The following ACACA variants were observed in gnomAD, a reference collection of about 807,000 sequenced individuals.
The protein encoded by ACACA is acetyl-CoA carboxylase 1.
A neutral mutation model predicts 296.1 loss-of-function variants in ACACA; 103 were observed. That is an observed-to-expected ratio of 0.35 (90% CI 0.30 to 0.41). The LOEUF (loss-of-function observed/expected upper bound fraction) is 0.41, where lower values mean the gene tolerates loss of function less well. Among genes scored for constraint, ACACA ranks in the 10% least tolerant of loss-of-function variants. The pLI, the probability that ACACA is intolerant of heterozygous loss-of-function variation, is 1.00. For missense variants in ACACA, 1,554 were observed against 2,989.7 expected, an observed-to-expected ratio of 0.52 and a Z score of 11.20; for synonymous variants, 953 against 1,038.6, an observed-to-expected ratio of 0.92 and a Z score of 1.58.
intron 1 of ACACA, among the ~76,000 whole-genome samples, chr17:37,383,552 C>A (rs1302907006): frequency 1.3e-5 from 2 of 152,002 alleles, no homozygotes; most frequent in Non-Finnish European, 2.9e-5. Flanking sequence ...CCCAAAAAAC[C>A]TATTTATTTA....
Position 37,125,813 on chromosome 17 carries a change from G to A in ACACA, c.5945-19C>T. The A allele has an allele frequency of 6.3e-7, 1 of 1,585,970 alleles. No individual in the cohort carries two copies. Among genetic ancestry groups the A allele is most frequent in the Non-Finnish European group, 8.7e-7 (1 of 1,155,296 alleles). On this transcript the variant is annotated intron_variant, in intron 47 of 55. Transcript: ENST00000616317. The stretch of plus-strand genomic sequence containing the variant: ...TTTTGGGCTACAGAAGGGAAAGAAA[G>A]AAAACAGAGAATAAGGACAGTGAAT...
chr17:37,309,134 G>A (rs957028917), intron 3 of ACACA, among the ~76,000 whole-genome samples: 8 of 151,974 alleles, frequency 5.3e-5, no homozygotes, highest in Admixed American at 1.3e-4. Flanking sequence ...CAGTCCTCTC[G>A]CCTCAGCCTT....
rs1202725765 is a variant in ACACA at position 37,121,446 on chromosome 17, A to G, written c.6183T>C (p.Phe2061=). 1 of 1,614,200 alleles carries G rather than the reference A, an allele frequency of 6.2e-7. No homozygotes were observed. The highest frequency in any genetic ancestry group is 1.1e-5 in the South Asian group (1 of 91,082). ...AGTCCTTGATGGCCTGATACGTCTT[A>G]AACGCAGAATCTGGGAACCAAACCT... ...AGQVWFPDSA[F]KTYQAIKDFN... is the part of the protein sequence containing the mutation. The change falls in exon 50 of 56, where the codon TTT becomes TTC. Residue 2061 remains phenylalanine, a synonymous_variant. Coordinates refer to ENST00000616317, the MANE Select transcript of ACACA (RefSeq NM_198834.3).
At chr17:37,374,880 T>C (rs889741212) in intron 1 of ACACA, among the ~76,000 whole-genome samples, 2 of 152,086 alleles carry the variant, frequency 1.3e-5, no homozygotes, top group African/African-American at 2.4e-5. Context: ...TTTATATATA[T>C]AACTGGATTA....
chr17:37,390,246 ATATATAT>A (rs564245624), intron 1 of ACACA, among the ~76,000 whole-genome samples: 10,666 of 53,044 alleles, frequency 0.2, 1,676 homozygotes, highest in East Asian at 0.46. Context: ...AATATATTAT[ATATATAT>A]TATATATAAT....
At chr17:37,208,673 A>G (rs2078616592) in intron 30 of ACACA, among the ~76,000 whole-genome samples, 1 of 152,222 alleles carries the variant, frequency 6.6e-6, no homozygotes, top group Non-Finnish European at 1.5e-5. Context: ...GCTCAATCTA[A>G]AAACAATGAA....
chr17:37,195,469 C>A (rs962269489), intron 35 of ACACA, among the ~76,000 whole-genome samples: 1 of 152,008 alleles, frequency 6.6e-6, no homozygotes, highest in African/African-American at 2.4e-5. Context: ...ATTAGAAAAA[C>A]CACTTTCATT....
intron 22 of ACACA, 41 bp downstream of exon 22, chr17:37,243,329 CA>C (rs775825429): frequency 6.3e-7 from 1 of 1,575,542 alleles, no homozygotes; most frequent in South Asian, 1.1e-5. Flanking sequence ...TAAACTCTGG[CA>C]TTGGTAGCCA....
chr17:37,226,744 G>A (rs1269655998), intron 25 of ACACA, among the ~76,000 whole-genome samples: 1 of 152,112 alleles, frequency 6.6e-6, no homozygotes, highest in Non-Finnish European at 1.5e-5. Context: ...ACTAAAAGGG[G>A]CCAAGGGGAT....
chr17:37,301,793 CCTTT>C (rs1239348575), intron 3 of ACACA, among the ~76,000 whole-genome samples: 13 of 152,048 alleles, frequency 8.5e-5, no homozygotes. Flanking sequence ...TATTCTAGGT[CCTTT>C]GTTTCCATGT....
intron 55 of ACACA, among the ~76,000 whole-genome samples, chr17:37,088,002 G>A (rs775450490): frequency 9.9e-5 from 15 of 152,256 alleles, no homozygotes; most frequent in Non-Finnish European, 1.6e-4. Flanking sequence ...GTAATTATAC[G>A]GTAGAGAAAT....
chr17:37,385,119 C>T (rs1057312882), intron 1 of ACACA, among the ~76,000 whole-genome samples: 21 of 152,234 alleles, frequency 1.4e-4, no homozygotes, highest in Non-Finnish European at 2.9e-5. Context: ...ACAGGTTACC[C>T]TCCTTCTACC....
At chr17:37,257,931 AT>A in intron 13 of ACACA, 65 bp from the exon 14 acceptor site, 2 of 1,576,780 alleles carry the variant, frequency 1.3e-6, no homozygotes, top group Non-Finnish European at 1.7e-6. Context: ...TTATATATTC[AT>A]TGTTTAAGTT....
intron 45 of ACACA, among the ~76,000 whole-genome samples, chr17:37,136,159 AACC>A (rs1423910709): frequency 6.6e-5 from 10 of 152,084 alleles, no homozygotes; most frequent in Admixed American, 1.3e-4. Flanking sequence ...ATAGTCATAT[AACC>A]ACCACAACAA....
intron 41 of ACACA, among the ~76,000 whole-genome samples, chr17:37,163,474 A>G (rs990304507): frequency 6.6e-6 from 1 of 152,206 alleles, no homozygotes; most frequent in Non-Finnish European, 1.5e-5. Context: ...ATGGACTATC[A>G]CAGACACTAT....
chr17:37,181,041 T>C (rs1056708066), intron 40 of ACACA, among the ~76,000 whole-genome samples, 160 bp downstream of exon 40: 2 of 152,208 alleles, frequency 1.3e-5, no homozygotes, highest in South Asian at 4.1e-4. Flanking sequence ...AATATCTGAG[T>C]TGGCAGTCAC....
intron 35 of ACACA, among the ~76,000 whole-genome samples, chr17:37,195,681 C>T (rs376571249): frequency 6.6e-6 from 1 of 152,062 alleles, no homozygotes; most frequent in Admixed American, 6.6e-5. Flanking sequence ...AAGACTCTTA[C>T]AAAAAGTAAT....
At chr17:37,302,051 A>G (rs1013092329) in intron 3 of ACACA, among the ~76,000 whole-genome samples, 10 of 150,716 alleles carry the variant, frequency 6.6e-5, no homozygotes, top group Non-Finnish European at 1.2e-4. Flanking sequence ...CACGATCTCC[A>G]CTTACAACCT....
intron 52 of ACACA, among the ~76,000 whole-genome samples, chr17:37,102,201 T>TC (rs1334500191): frequency 7.2e-6 from 1 of 138,676 alleles, no homozygotes; most frequent in African/African-American, 2.8e-5. Context: ...ATCCAGCTCT[T>TC]TTTTTTTTTT....
Sources: gnomAD v4.1 joint callset for allele counts (sites outside exome capture counted in the v4.1 genomes callset) on GRCh38, gnomAD v4.1.1 for gene constraint, MANE v1.5 for transcripts, NCBI Gene and HGNC (gene_info 2026-07-23, HGNC 2026-07-21) for gene names.